The following ROS1 variants were observed in gnomAD, a reference collection of about 807,000 sequenced individuals.
The protein encoded by ROS1 is ROS proto-oncogene 1, receptor tyrosine kinase, also known as proto-oncogene tyrosine-protein kinase ROS.
Under a neutral mutation model 273.5 loss-of-function variants are expected in ROS1, and 263 were observed. The ratio of observed to expected loss-of-function variants is 0.96; its 90% CI spans 0.87 to 1.06. ROS1 has a LOEUF of 1.06. Ranked by LOEUF, ROS1 falls within the 50% of genes least tolerant of loss-of-function variation. ROS1 has a pLI of 0.00. For synonymous variants in ROS1, 1,008 were observed against 954.1 expected (o/e 1.06, Z -1.04); for missense variants, 2,833 against 2,751.1 (o/e 1.03, Z -0.67).
chr6:117,335,445 T>C (rs570511153), intron 32 of ROS1, among the ~76,000 whole-genome samples: 1 of 152,304 alleles, frequency 6.6e-6, no homozygotes, highest in East Asian at 1.9e-4. Flanking sequence ...TCCTCAAGGA[T>C]CTAGAACCAG....
rs566431162 is a variant in ROS1, at chr6:117,387,715, T to C, written c.1999+65A>G. 14 of 1,530,886 alleles carry C rather than the reference T, an allele frequency of 9.1e-6. No homozygotes were observed. The Admixed American group carries it at 2.9e-4, about 31-fold the overall frequency. 94.8% of individuals were successfully genotyped at this position (1,530,886 alleles called of 1,614,324 possible). ...TCTTTAAACCCAAGGCAAGGAAATT[T>C]AAAGGGCACTCAGCTAGTCCTCTTT... On this transcript the variant is annotated intron_variant, in intron 14 of 43. Transcript: ENST00000368507.
intron 39 of ROS1, among the ~76,000 whole-genome samples, chr6:117,314,517 G>A (rs1441337593): frequency 6.6e-6 from 1 of 152,154 alleles, no homozygotes; most frequent in African/African-American, 2.4e-5. Flanking sequence ...CTAAATCATA[G>A]ATTCTTCTAC....
Position 117,404,190 on chromosome 6 carries a change from C to T in ROS1, c.465+90G>A, listed in dbSNP as rs566039599. ...AAGCTGAGATCGCGCCACTGCACTC[C>T]AGCCTGGGCGACAGAGCGAGACTCC... On this transcript the variant is annotated intron_variant, in intron 6 of 43. Transcript: ENST00000368507. 3.6e-3 allele frequency: 4,494 copies of T among 1,255,194 alleles called. 13 individuals are homozygous for T. The highest frequency in any genetic ancestry group is 4.6e-3 in the Non-Finnish European group (4,053 of 879,790). 77.8% of individuals were successfully genotyped at this position (1,255,194 alleles called of 1,614,324 possible).
intron 28 of ROS1, among the ~76,000 whole-genome samples, chr6:117,342,821 T>A (rs1000622107): frequency 6.6e-6 from 1 of 152,154 alleles, no homozygotes; most frequent in Non-Finnish European, 1.5e-5. Context: ...AGGACACTAT[T>A]TCATTAACAT....
At chr6:117,337,107 A>G in intron 32 of ROS1, 65 bp downstream of exon 32, 1 of 1,243,982 alleles carries the variant, frequency 8.0e-7, no homozygotes, top group Non-Finnish European at 1.2e-6. Flanking sequence ...AGGATTAGTG[A>G]AATAAGTGAT....
intron 1 of ROS1, among the ~76,000 whole-genome samples, chr6:117,420,258 G>A (rs777179611): frequency 5.3e-5 from 8 of 151,872 alleles, no homozygotes; most frequent in East Asian, 3.9e-4. Flanking sequence ...TAGGATCCCC[G>A]CTGGTTTGCC....
rs750511195 is a variant in ROS1 at position 117,383,448 on chromosome 6, C to A, written c.2350G>T (p.Val784Leu). The A allele has an allele frequency of 1.2e-6, 2 of 1,614,098 alleles. No individual in the cohort carries two copies. The highest frequency in any genetic ancestry group is 2.2e-5 in the South Asian group (2 of 91,078). Residue 784 changes from valine (V) to leucine (L), a missense_variant, in exon 17 of 44, where the codon GTG (valine) becomes TTG (leucine). By Grantham distance (32) the Val-to-Leu change is conservative (BLOSUM62 1). Coordinates refer to ENST00000368507, the MANE Select transcript of ROS1 (RefSeq NM_001378902.1). ...TDIVTHVKLLVNDMVVDSVGG... is the reference protein window; with the variant it reads ...TDIVTHVKLLLNDMVVDSVGG... ...ACTGAATCCACCACCATGTCATTCA[C>A]CAATAGCTTCACGTGGGTAACAATG...
At chr6:117,422,506 A>G (rs1775833191) in intron 1 of ROS1, among the ~76,000 whole-genome samples, 2 of 152,146 alleles carry the variant, frequency 1.3e-5, no homozygotes, top group South Asian at 2.1e-4. Flanking sequence ...CTGTAGCAAT[A>G]AAAACTATGC....
At chr6:117,367,553 G>T (rs975688482) in intron 18 of ROS1, among the ~76,000 whole-genome samples, 17 of 152,294 alleles carry the variant, frequency 1.1e-4, no homozygotes, top group Admixed American at 8.5e-4. Context: ...ATGCCAAGAA[G>T]GCATGGCCTG....
chr6:117,403,230 A>G lies in ROS1; in HGVS notation c.513T>C (p.Thr171=). The G allele has an allele frequency of 6.2e-7, 1 of 1,612,202 alleles. No homozygotes were observed. Among genetic ancestry groups the G allele is most frequent in the South Asian group, 1.1e-5 (1 of 90,490 alleles). ...TCCAAACCACTCGGAAAATGTACTC[A>G]GTGAAGGGGTGCAGGGGCTTGACCA... ...SYVVKPLHPF[T]EYIFRVVWIF... The change falls in exon 7 of 44, where the codon ACT becomes ACC. Residue 171 remains threonine (T), a synonymous_variant. Coordinates refer to ENST00000368507, the MANE Select transcript of ROS1 (RefSeq NM_001378902.1).
chr6:117,383,306 T>C lies in ROS1; in HGVS notation c.2481+11A>G. 1 of 1,604,062 alleles carries C rather than the reference T, an allele frequency of 6.2e-7. No homozygotes were observed. The highest frequency in any genetic ancestry group is 1.3e-5 in the African/African-American group (1 of 74,786). On this transcript the variant is annotated intron_variant, in intron 17 of 43. Transcript: ENST00000368507. ...AGTATTACTAAATGATCAGATCTTT[T>C]AATTTGTCACCTTTTTCCCAGAAAA...
At chr6:117,356,973 T>C in intron 25 of ROS1, 58 bp from the exon 26 acceptor site, 4 of 1,432,394 alleles carry the variant, frequency 2.8e-6, no homozygotes, top group Non-Finnish European at 3.8e-6. Flanking sequence ...ATTTCAAATA[T>C]TGGTTTCTAA....
At chr6:117,356,115 AG>A (rs1363815569) in intron 26 of ROS1, among the ~76,000 whole-genome samples, 1 of 152,234 alleles carries the variant, frequency 6.6e-6, no homozygotes, top group African/African-American at 2.4e-5. Context: ...AAATAGACTC[AG>A]GTATTGACCA....
At chr6:117,395,366 CA>C (rs1249619893) in intron 9 of ROS1, among the ~76,000 whole-genome samples, 1 of 152,120 alleles carries the variant, frequency 6.6e-6, no homozygotes, top group Non-Finnish European at 1.5e-5. Context: ...TCTTACATAA[CA>C]AAAATACCTC....
intron 4 of ROS1, among the ~76,000 whole-genome samples, chr6:117,412,075 A>G (rs1458829958): frequency 2.6e-5 from 4 of 152,114 alleles, no homozygotes; most frequent in Non-Finnish European, 5.9e-5. Flanking sequence ...TGAGGCAGGA[A>G]TGTGTCTTCT....
At chr6:117,305,332 G>T (rs1775022496) in intron 42 of ROS1, among the ~76,000 whole-genome samples, 1 of 152,164 alleles carries the variant, frequency 6.6e-6, no homozygotes, top group Non-Finnish European at 1.5e-5. Flanking sequence ...GGAAGAGGAA[G>T]GTGGGGGAAA....
rs1403763320 is a variant in ROS1 at position 117,308,335 on chromosome 6, TATTAGTC to T, written c.6551+452_6551+458del. ...TATAATTTTTAGTAATACTATTTCT[TATTAGTC>T]AATGTCAGCTATATCAACAAAGGGA... is the stretch of plus-strand genomic sequence containing the variant. On this transcript the variant is annotated intron_variant, in intron 42 of 43. Coordinates refer to ENST00000368507, the MANE Select transcript of ROS1 (RefSeq NM_001378902.1). Among the ~76,000 whole-genome samples, 5 of 152,274 alleles carry T rather than the reference TATTAGTC, an allele frequency of 3.3e-5. No individual in the cohort carries two copies. In the South Asian group the frequency reaches 6.2e-4, roughly 19 times the overall value.
At chr6:117,356,420 T>C (rs919201969) in intron 26 of ROS1, among the ~76,000 whole-genome samples, 1 of 152,214 alleles carries the variant, frequency 6.6e-6, no homozygotes, top group Non-Finnish European at 1.5e-5. Context: ...TTACAATTTT[T>C]TAAAACACAG....
Position 117,396,269 on chromosome 6 carries a change from T to C in ROS1, c.807-5A>G. 3 of 1,610,010 alleles carry C rather than the reference T, an allele frequency of 1.9e-6. No individual in the cohort carries two copies. The highest frequency in any genetic ancestry group is 2.5e-6 in the Non-Finnish European group (3 of 1,176,534). ...TTTACTGCTGCAATAGAAAACCTATTCCAAAAACAATTTGGAGAGACGTGT... is the reference window on the plus strand; with the variant it reads ...TTTACTGCTGCAATAGAAAACCTATCCCAAAAACAATTTGGAGAGACGTGT... On this transcript the variant is annotated splice_region_variant and splice_polypyrimidine_tract_variant and intron_variant, in intron 8 of 43. Coordinates refer to ENST00000368507, the MANE Select transcript of ROS1 (RefSeq NM_001378902.1).
Sources: allele counts gnomAD v4.1 joint callset (sites outside exome capture counted in the v4.1 genomes callset), GRCh38; gene constraint gnomAD v4.1.1; transcripts MANE v1.5; gene names NCBI Gene and HGNC (gene_info 2026-07-23, HGNC 2026-07-21).